The following CASC3 variants were observed in gnomAD, a reference collection of about 807,000 sequenced individuals.
The protein encoded by CASC3 is protein CASC3.
In CASC3, 30 loss-of-function variants were observed where a neutral mutation model predicts 80.5. The observed-to-expected ratio is 0.37, with a 90% CI of 0.28 to 0.51. The LOEUF is 0.51. Among genes scored for constraint, CASC3 ranks in the 20% least tolerant of loss-of-function variants. The probability of loss-of-function intolerance (pLI) is 0.94; values close to 1 mark genes in which losing one functional copy is unlikely to be tolerated. For missense variants in CASC3, 824 were observed against 922.2 expected (o/e 0.89, Z 1.38); for synonymous variants, 312 against 333.6 (o/e 0.94, Z 0.70).
Position 40,163,775 on chromosome 17 carries a change from G to A in CASC3, c.1080G>A (p.Arg360=), listed in dbSNP as rs747367731. Reference sequence around the variant, plus strand: ...GGCGCCTAGAGCAGACTTCTGTGAGGGATCCATCTCCAGAAGCAGATGCTC... The same window carrying A: ...GGCGCCTAGAGCAGACTTCTGTGAGAGATCCATCTCCAGAAGCAGATGCTC... The part of the protein sequence containing the change: ...RSRRLEQTSV[R]DPSPEADAPV... The change falls in exon 7 of 14, where the codon AGG becomes AGA. Residue 360 remains arginine (R), a synonymous_variant. Coordinates refer to ENST00000264645, the MANE Select transcript of CASC3 (RefSeq NM_007359.5). 7.4e-6 allele frequency: 12 copies of A among 1,613,958 alleles called. No homozygotes were observed. In the Admixed American group the frequency reaches 2.0e-4, roughly 27 times the overall value.
In CASC3 at chr17:40,170,715, C is replaced by T. The variant is rs1989571778; in HGVS notation, c.*310C>T. Reference sequence around the variant, plus strand: ...TAGATACAGAAGCCCATGTCTTCTGCTGTTCTTCACTTCTGGGAAATTGAA... The same window carrying T: ...TAGATACAGAAGCCCATGTCTTCTGTTGTTCTTCACTTCTGGGAAATTGAA... On this transcript the variant is annotated 3_prime_UTR_variant, in exon 14 of 14. Coordinates refer to ENST00000264645, the MANE Select transcript of CASC3 (RefSeq NM_007359.5). The T allele has an allele frequency of 5.1e-6, 5 of 985,584 alleles. No homozygotes were observed. The South Asian group carries it at 2.3e-4, about 46-fold the overall frequency. The allele number at this position is 985,584 out of a possible 1,614,324, so 61.1% of individuals were successfully genotyped here.
At chr17:40,147,288 G>A (rs536978637) in intron 3 of CASC3, among the ~76,000 whole-genome samples, 107 of 152,264 alleles carry the variant, frequency 7.0e-4, no homozygotes, top group Admixed American at 2.7e-3. Context: ...ACAGATTAGA[G>A]AGAGATTCTA....
intron 3 of CASC3, among the ~76,000 whole-genome samples, chr17:40,157,483 C>T (rs1054721886): frequency 2.6e-5 from 4 of 152,068 alleles, no homozygotes; most frequent in African/African-American, 9.7e-5. Flanking sequence ...TGAGACCAGC[C>T]TGGGCAACAT....
At chr17:40,164,200 C>G in intron 7 of CASC3, 34 bp downstream of exon 7, 1 of 1,515,062 alleles carries the variant, frequency 6.6e-7, no homozygotes, top group South Asian at 1.2e-5. Context: ...TAGCTTTTTC[C>G]CCTTTGCATC....
intron 3 of CASC3, among the ~76,000 whole-genome samples, chr17:40,158,566 T>G (rs544237489): frequency 1.3e-5 from 2 of 151,728 alleles, no homozygotes; most frequent in African/African-American, 2.4e-5. Flanking sequence ...AGCTGCTGCC[T>G]TTTCCTACCT....
intron 8 of CASC3, 136 bp downstream of exon 8, chr17:40,166,997 T>A: frequency 1.5e-6 from 1 of 646,660 alleles, no homozygotes; most frequent in Non-Finnish European, 2.5e-6. Context: ...CTCGCTCTGT[T>A]GCCCAGGCTA....
At position 40,163,654 on chromosome 17, in the gene CASC3, A is replaced by T. The variant is rs761153646; in HGVS notation, c.959A>T (p.Lys320Met). 1.9e-6 allele frequency: 3 copies of T among 1,614,158 alleles called. No individual in the cohort carries two copies. The highest frequency in any genetic ancestry group is 2.5e-6 in the Non-Finnish European group (3 of 1,180,034). ...PRNYSRSGGF[K>M]EGRAGFRPVE... ...AATTATTCTCGATCTGGGGGCTTCAAGGAAGGTCGTGCTGGTTTTAGGCCT... is the reference window on the plus strand; with the variant it reads ...AATTATTCTCGATCTGGGGGCTTCATGGAAGGTCGTGCTGGTTTTAGGCCT... Residue 320 changes from lysine to methionine, a missense_variant, in exon 7 of 14, where the codon AAG (lysine) becomes ATG (methionine). Lys to Met is a moderately conservative substitution (Grantham distance 95). Around this residue, in one of 3 missense-constraint regions of CASC3, gnomAD observed 464 missense variants for 506.0 expected, o/e 0.92. Transcript: ENST00000264645.
At chr17:40,156,482 CGAG>C (rs1464847249) in intron 3 of CASC3, among the ~76,000 whole-genome samples, 1 of 151,904 alleles carries the variant, frequency 6.6e-6, no homozygotes, top group Non-Finnish European at 1.5e-5. Flanking sequence ...GTCAGGAGAT[CGAG>C]ACCATCCTGG....
In CASC3 at chr17:40,172,103, G is replaced by C; in HGVS notation, c.*1698G>C. 7.8e-7 allele frequency: 1 copy of C among 1,289,920 alleles called. No individual in the cohort carries two copies. The highest frequency in any genetic ancestry group is 1.0e-6 in the Non-Finnish European group (1 of 988,844). The allele number at this position is 1,289,920 out of a possible 1,614,324, so 79.9% of individuals were successfully genotyped here. ...ATGTGTGGTGGTGTTTTTTGTTACT[G>C]TTTTAAAGGGTGCCCATTTGTGATC... On this transcript the variant is annotated 3_prime_UTR_variant, in exon 14 of 14. Transcript: ENST00000264645.
chr17:40,141,698 C>T (rs1598417872), intron 3 of CASC3, 91 bp downstream of exon 3: 1 of 914,490 alleles, frequency 1.1e-6, no homozygotes, highest in East Asian at 2.4e-5. Context: ...CCATGACCTC[C>T]GTGTTTATCC....
chr17:40,140,558 C>T lies in CASC3; in HGVS notation c.10C>T (p.Arg4Trp), dbSNP rs1054036678. 3.1e-6 allele frequency: 5 copies of T among 1,607,562 alleles called. No individual in the cohort carries two copies. The highest frequency in any genetic ancestry group is 3.4e-6 in the Non-Finnish European group (4 of 1,179,612). The change falls in exon 1 of 14, where the codon CGG becomes TGG. Residue 4 changes from arginine to tryptophan, a missense_variant. By Grantham distance (101) the Arg-to-Trp change is moderately radical (BLOSUM62 -3). Coordinates refer to ENST00000264645, the MANE Select transcript of CASC3 (RefSeq NM_007359.5). MAD[R>W]RRQRASQDTE... is the part of the protein sequence containing the mutation. ...GGCCGTTCTCCGTAAGATGGCGGAC[C>T]GGCGGCGGCAGCGCGCTTCGCAAGA...
At chr17:40,167,455 C>T (rs1347589417) in intron 8 of CASC3, 43 bp from the exon 9 acceptor site, 1 of 1,386,954 alleles carries the variant, frequency 7.2e-7, no homozygotes, top group Admixed American at 1.7e-5. Flanking sequence ...GATATGAGAG[C>T]CCTCTAGAAT....
At chr17:40,150,441 T>TGTGTAA (rs1290277987) in intron 3 of CASC3, among the ~76,000 whole-genome samples, 3 of 151,604 alleles carry the variant, frequency 2.0e-5, no homozygotes, top group Non-Finnish European at 4.4e-5. Flanking sequence ...TGTGTGTGTG[T>TGTGTAA]GTGTAACCCC....
chr17:40,164,750 CTTTTT>C (rs1022035416), intron 7 of CASC3, among the ~76,000 whole-genome samples: 2 of 74,454 alleles, frequency 2.7e-5, no homozygotes, highest in Non-Finnish European at 4.7e-5. Flanking sequence ...CGTGCCTGGC[CTTTTT>C]TTTTTTTTTT....
Position 40,171,885 on chromosome 17 carries a change from C to T in CASC3, c.*1480C>T. ...TGGGGAGAGGCACTTAATCTGTAACCCCCAAGGAGGAAATAACTAAGAGAT... is the reference window on the plus strand; with the variant it reads ...TGGGGAGAGGCACTTAATCTGTAACTCCCAAGGAGGAAATAACTAAGAGAT... On this transcript the variant is annotated 3_prime_UTR_variant, in exon 14 of 14. Coordinates refer to ENST00000264645, the MANE Select transcript of CASC3 (RefSeq NM_007359.5). The T allele has an allele frequency of 8.2e-7, 1 of 1,220,068 alleles. No individual in the cohort carries two copies. The highest frequency in any genetic ancestry group is 1.0e-6 in the Non-Finnish European group (1 of 956,358). The allele number at this position is 1,220,068 out of a possible 1,614,324, so 75.6% of individuals were successfully genotyped here.
At chr17:40,151,285 C>T (rs1270074807) in intron 3 of CASC3, among the ~76,000 whole-genome samples, 1 of 152,148 alleles carries the variant, frequency 6.6e-6, no homozygotes, top group East Asian at 1.9e-4. Flanking sequence ...AATCTTGGTT[C>T]ACTGCAACTT....
chr17:40,169,633 G>A lies in CASC3; in HGVS notation c.*12G>A. ...GGGGTTCCAGTTAATACAAGTTTCT[G>A]AATATTTTAAATCTTAACATCATAT... On this transcript the variant is annotated 3_prime_UTR_variant, in exon 13 of 14. Transcript: ENST00000264645. 6.5e-7 allele frequency: 1 copy of A among 1,542,250 alleles called. No individual in the cohort carries two copies. Among genetic ancestry groups the A allele is most frequent in the Non-Finnish European group, 8.8e-7 (1 of 1,141,306 alleles).
intron 3 of CASC3, among the ~76,000 whole-genome samples, chr17:40,161,105 G>A (rs1454472779): frequency 2.0e-5 from 3 of 151,450 alleles, no homozygotes; most frequent in South Asian, 2.1e-4. Context: ...TCAGCCTCCC[G>A]AGCAGCTGGG....
intron 3 of CASC3, among the ~76,000 whole-genome samples, chr17:40,158,467 A>G (rs1341297777): frequency 6.6e-6 from 1 of 152,156 alleles, no homozygotes; most frequent in Non-Finnish European, 1.5e-5. Context: ...CTCCCTAGCC[A>G]TAGCTCTGCC....
Sources: allele counts gnomAD v4.1 joint callset (sites outside exome capture counted in the v4.1 genomes callset), GRCh38; gene constraint gnomAD v4.1.1; regional missense constraint gnomAD v4.1.1; transcripts MANE v1.5; gene names NCBI Gene and HGNC (gene_info 2026-07-23, HGNC 2026-07-21).